PRR12: variants seen among roughly 807,000 people sequenced by gnomAD.
PRR12 encodes the protein proline-rich protein 12.
PRR12 carries 12 observed loss-of-function variants against 138.0 expected under a neutral mutation model. The observed-to-expected ratio is 0.09, with a 90% confidence interval of 0.06 to 0.14. PRR12 has a LOEUF of 0.14. PRR12 is among the 10% of genes least tolerant of loss of function. The pLI, the probability that PRR12 is intolerant of heterozygous loss-of-function variation, is 1.00. For missense variants in PRR12, 2,692 were observed against 2,861.3 expected (o/e 0.94, Z 1.35); for synonymous variants, 1,567 against 1,291.7 (o/e 1.21, Z -4.57).
chr19:49,593,809 C>T (rs1157037624), intron 2 of PRR12, among the ~76,000 whole-genome samples: 32 of 152,174 alleles, frequency 2.1e-4, no homozygotes, highest in Admixed American at 2.1e-3. Flanking sequence ...GATTCCCTTT[C>T]TTCCTGATTG....
rs1225547225 is a variant in PRR12 at position 49,624,958 on chromosome 19, A to G, written c.5836A>G (p.Ser1946Gly). ...AGEPYNRKTL[S>G]KLKRSVVRAQ... ...GGAACCCTACAACCGCAAGACGCTC[A>G]GCAAGCTCAAGAGGAGCGTGGTCAG... Residue 1946 changes from serine (S) to glycine (G), a missense_variant, in exon 12 of 14, where the codon AGC becomes GGC. Physicochemically the swap from Ser to Gly is moderately conservative, Grantham distance 56. This residue lies in a region of PRR12 where 116 missense variants were observed against 243.4 expected (regional missense o/e 0.48). Transcript: ENST00000418929. The G allele has an allele frequency of 1.3e-6, 2 of 1,596,210 alleles. No homozygotes were observed. Among genetic ancestry groups the G allele is most frequent in the South Asian group, 1.1e-5 (1 of 88,576 alleles).
chr19:49,617,270 A>G (rs1301140680), intron 9 of PRR12, among the ~76,000 whole-genome samples: 1 of 152,162 alleles, frequency 6.6e-6, no homozygotes, highest in Non-Finnish European at 1.5e-5. Flanking sequence ...AAACATTTGC[A>G]CACAGGCTTA....
chr19:49,594,884 G>T lies in PRR12; in HGVS notation c.549G>T (p.Leu183=). 1 of 1,611,058 alleles carries T rather than the reference G, an allele frequency of 6.2e-7. No individual in the cohort carries two copies. The highest frequency in any genetic ancestry group is 1.3e-5 in the African/African-American group (1 of 74,958). ...PPFSPPANGL[L]SPHDVLHLKP... ...TCAGCCCTCCAGCTAACGGGCTCCTGTCCCCTCATGACGTGCTGCACCTGA... is the reference window on the plus strand; with the variant it reads ...TCAGCCCTCCAGCTAACGGGCTCCTTTCCCCTCATGACGTGCTGCACCTGA... Residue 183 remains leucine, a synonymous_variant, in exon 4 of 14, where the codon CTG becomes CTT. Coordinates refer to ENST00000418929, the MANE Select transcript of PRR12 (RefSeq NM_020719.3). The surrounding 1 kb of genome is among the most constrained non-coding windows in gnomAD (Gnocchi z 5.6).
intron 6 of PRR12, among the ~76,000 whole-genome samples, chr19:49,602,658 T>C (rs1370825195): frequency 6.6e-6 from 1 of 152,168 alleles, no homozygotes; most frequent in African/African-American, 2.4e-5. Flanking sequence ...TTCAAGCGAT[T>C]CTCTTGACTT....
Position 49,595,330 on chromosome 19 carries a change from GC to G in PRR12, c.1000del (p.Leu334TrpfsTer136). 6.5e-7 allele frequency: 1 copy of G among 1,544,500 alleles called. No individual in the cohort carries two copies. ...SMGHRANLAC[S>X]PLGGGEPSPG... ...GGCCACCGGGCCAACCTGGCCTGCA[GC>G]CCCCTGGGTGGTGGGGAGCCCTCCC... is the stretch of plus-strand genomic sequence containing the variant. On this transcript the variant is annotated frameshift_variant, in exon 4 of 14. Coordinates refer to ENST00000418929, the MANE Select transcript of PRR12 (RefSeq NM_020719.3). LOFTEE classifies it high-confidence loss of function.
intron 6 of PRR12, among the ~76,000 whole-genome samples, chr19:49,609,703 C>T (rs979460291): frequency 5.3e-5 from 8 of 151,884 alleles, no homozygotes; most frequent in African/African-American, 9.7e-5. Context: ...AGGGAAAGCA[C>T]GCTGTGTTTG....
chr19:49,604,751 T>G (rs1247387131), intron 6 of PRR12, among the ~76,000 whole-genome samples: 1 of 152,176 alleles, frequency 6.6e-6, no homozygotes, highest in East Asian at 1.9e-4. Flanking sequence ...AAGTTTTATC[T>G]TTTTATATAA....
At position 49,594,876 on chromosome 19, in the gene PRR12, G is replaced by A. The variant is rs761210787; in HGVS notation, c.541G>A (p.Gly181Arg). Reference protein sequence around the residue: ...QDPPFSPPANGLLSPHDVLHL... With the variant: ...QDPPFSPPANRLLSPHDVLHL... ...CCCCCCATTCAGCCCTCCAGCTAAC[G>A]GGCTCCTGTCCCCTCATGACGTGCT... Residue 181 changes from glycine to arginine, a missense_variant, in exon 4 of 14, where the codon GGG becomes AGG. Gly to Arg is a moderately radical substitution (Grantham distance 125, BLOSUM62 -2). Around this residue, in one of 11 missense-constraint regions of PRR12, gnomAD observed 211 missense variants for 266.3 expected, o/e 0.79. Transcript: ENST00000418929. The surrounding 1 kb of genome is among the most constrained non-coding windows in gnomAD (Gnocchi z 5.6). 36 of 1,610,986 alleles carry A rather than the reference G, an allele frequency of 2.2e-5. No homozygotes were observed. The highest frequency in any genetic ancestry group is 2.5e-5 in the Non-Finnish European group (30 of 1,178,996).
At chr19:49,604,877 G>A (rs896314748) in intron 6 of PRR12, among the ~76,000 whole-genome samples, 1 of 152,026 alleles carries the variant, frequency 6.6e-6, no homozygotes, top group Admixed American at 6.6e-5. Flanking sequence ...TTCTGAGACA[G>A]GGTCTCCCTT....
Position 49,599,579 on chromosome 19 carries a change from C to A in PRR12, c.3986C>A (p.Thr1329Asn). The A allele has an allele frequency of 6.3e-7, 1 of 1,595,684 alleles. No homozygotes were observed. The highest frequency in any genetic ancestry group is 8.5e-7 in the Non-Finnish European group (1 of 1,170,998). The part of the protein sequence containing the change: ...ARGLQPQPPA[T>N]PAVPHPPPSG... ...GGCCTGCAGCCCCAGCCCCCTGCCA[C>A]CCCTGCTGTGCCACATCCCCCACCT... The change falls in exon 5 of 14, where the codon ACC becomes AAC. Residue 1329 changes from threonine to asparagine, a missense_variant. Thr to Asn is a moderately conservative substitution (Grantham distance 65). This residue lies in a region of PRR12 where 326 missense variants were observed against 344.2 expected (regional missense o/e 0.95). Coordinates refer to ENST00000418929, the MANE Select transcript of PRR12 (RefSeq NM_020719.3). The surrounding 1 kb of genome is among the most constrained non-coding windows in gnomAD (Gnocchi z 5.0).
intron 6 of PRR12, among the ~76,000 whole-genome samples, chr19:49,605,894 T>C (rs1450999148): frequency 6.6e-6 from 1 of 152,244 alleles, no homozygotes; most frequent in Non-Finnish European, 1.5e-5. Flanking sequence ...GTACAGACCT[T>C]GGGGACTCAT....
Position 49,595,508 on chromosome 19 carries a change from G to T in PRR12, c.1173G>T (p.Thr391=). Residue 391 remains threonine (T), a synonymous_variant, in exon 4 of 14, where the codon ACG becomes ACT. Transcript: ENST00000418929. ...TCATTCAGTCGCCTGGGTACAAGAC[G>T]GGCAAAGGTGGTTATGGAGCAGCTG... ...RPIIQSPGYK[T]GKGGYGAAAG... 1 of 1,563,206 alleles carries T rather than the reference G, an allele frequency of 6.4e-7. No individual in the cohort carries two copies. Among genetic ancestry groups the T allele is most frequent in the Non-Finnish European group, 8.7e-7 (1 of 1,154,698 alleles).
chr19:49,605,513 C>T (rs1168492082), intron 6 of PRR12, among the ~76,000 whole-genome samples: 2 of 152,202 alleles, frequency 1.3e-5, no homozygotes, highest in Non-Finnish European at 2.9e-5. Context: ...CTGCCTGCCT[C>T]AGCCTCCCAA....
At chr19:49,608,210 C>G (rs911467668) in intron 6 of PRR12, among the ~76,000 whole-genome samples, 2 of 152,090 alleles carry the variant, frequency 1.3e-5, no homozygotes, top group African/African-American at 4.8e-5. Context: ...ACATGTCACC[C>G]CAGTCATGGT....
At chr19:49,610,078 G>T (rs1291125185) in intron 6 of PRR12, among the ~76,000 whole-genome samples, 1 of 151,840 alleles carries the variant, frequency 6.6e-6, no homozygotes, top group African/African-American at 2.4e-5. Context: ...AGGTTCAAGC[G>T]ATTCTCCTGC....
chr19:49,621,927 T>C (rs1184924297), intron 11 of PRR12, among the ~76,000 whole-genome samples: 1 of 152,204 alleles, frequency 6.6e-6, no homozygotes, highest in African/African-American at 2.4e-5. Context: ...AAGCGGGCAC[T>C]GGACCGATGG....
chr19:49,623,696 A>T (rs898301925), intron 11 of PRR12, among the ~76,000 whole-genome samples: 1 of 149,260 alleles, frequency 6.7e-6, no homozygotes, highest in African/African-American at 2.5e-5. Flanking sequence ...GAATTCTGGG[A>T]TAGATGGTTA....
At chr19:49,610,276 C>G (rs2080859124) in intron 6 of PRR12, among the ~76,000 whole-genome samples, 1 of 150,836 alleles carries the variant, frequency 6.6e-6, no homozygotes, top group Non-Finnish European at 1.5e-5. Context: ...CGCACCCAGC[C>G]TGGGACCCTG....
chr19:49,602,958 C>A (rs1194648656), intron 6 of PRR12, among the ~76,000 whole-genome samples: 2 of 152,242 alleles, frequency 1.3e-5, no homozygotes, highest in East Asian at 3.8e-4. Context: ...AAACTATGGC[C>A]CCTAGGCCAA....
Sources: allele counts gnomAD v4.1 joint callset (sites outside exome capture counted in the v4.1 genomes callset), GRCh38; gene constraint gnomAD v4.1.1; regional missense constraint gnomAD v4.1.1; non-coding constraint Gnocchi (gnomAD v3.1); transcripts MANE v1.5; gene names NCBI Gene and HGNC (gene_info 2026-07-23, HGNC 2026-07-21).